VPS13D: variants seen among roughly 807,000 people sequenced by gnomAD.
VPS13D encodes the protein intermembrane lipid transfer protein VPS13D.
VPS13D carries 187 observed loss-of-function variants against 461.9 expected under a neutral mutation model. That is an observed-to-expected ratio of 0.40 (90% CI 0.36 to 0.46). VPS13D has a LOEUF of 0.46. Among genes scored for constraint, VPS13D ranks in the 20% least tolerant of loss-of-function variants. The probability of loss-of-function intolerance (pLI) is 0.60; values close to 1 mark genes in which losing one functional copy is unlikely to be tolerated. For synonymous variants in VPS13D, 1,951 were observed against 1,986.3 expected (o/e 0.98, Z 0.47); for missense variants, 4,711 against 5,364.9 (o/e 0.88, Z 3.81).
chr1:12,452,949 C>T (rs1645281285), intron 65 of VPS13D, among the ~76,000 whole-genome samples: 1 of 152,218 alleles, frequency 6.6e-6, no homozygotes. Context: ...GGAATTCAGA[C>T]AGAAGTCCTA....
At chr1:12,442,405 G>A (rs1215097544) in intron 65 of VPS13D, among the ~76,000 whole-genome samples, 1 of 152,092 alleles carries the variant, frequency 6.6e-6, no homozygotes, top group East Asian at 1.9e-4. Context: ...GGACAGTGTG[G>A]CTGTAAACGA....
At chr1:12,453,117 T>C (rs1165725837) in intron 65 of VPS13D, among the ~76,000 whole-genome samples, 2 of 152,176 alleles carry the variant, frequency 1.3e-5, no homozygotes, top group Non-Finnish European at 2.9e-5. Context: ...CAGGACCCAG[T>C]TGGTGCTGGG....
intron 37 of VPS13D, among the ~76,000 whole-genome samples, chr1:12,332,396 C>T (rs528470661): frequency 1.1e-3 from 168 of 152,236 alleles, no homozygotes; most frequent in Admixed American, 2.6e-3. Context: ...CGGTGACCTG[C>T]GTCAATGTGA....
intron 10 of VPS13D, among the ~76,000 whole-genome samples, chr1:12,258,365 C>T (rs1408161324): frequency 6.6e-6 from 1 of 152,082 alleles, no homozygotes; most frequent in Non-Finnish European, 1.5e-5. Flanking sequence ...CACACCCCTG[C>T]CCCCCAGCTC....
chr1:12,359,470 G>A (rs1383994200), intron 50 of VPS13D, among the ~76,000 whole-genome samples: 1 of 152,110 alleles, frequency 6.6e-6, no homozygotes, highest in South Asian at 2.1e-4. Context: ...GAGAAGTAAG[G>A]CAAGTATGGC....
Position 12,356,011 on chromosome 1 carries a change from C to T in VPS13D, c.9792C>T (p.Leu3264=), listed in dbSNP as rs1309183491. Residue 3264 remains leucine, a synonymous_variant, in exon 48 of 70, where the codon CTC becomes CTT. Transcript: ENST00000620676. ...LYDVNRRQLN[L]TIRIVCRAEG... ...ACGTCAACCGTCGGCAGCTGAACCT[C>T]ACCATCCGGATTGTGTGTCGAGCAG... is the stretch of plus-strand genomic sequence containing the variant. 1.2e-6 allele frequency: 2 copies of T among 1,614,176 alleles called. No individual in the cohort carries two copies. Among genetic ancestry groups the T allele is most frequent in the Non-Finnish European group, 8.5e-7 (1 of 1,180,010 alleles).
rs201242186 is a variant in VPS13D at position 12,276,414 on chromosome 1, G to T, written c.2826G>T (p.Glu942Asp). 1 of 1,614,228 alleles carries T rather than the reference G, an allele frequency of 6.2e-7. No homozygotes were observed. The highest frequency in any genetic ancestry group is 1.7e-5 in the Admixed American group (1 of 60,030). ...TAACCCAGAGCATTGTGTTGTTGGAGCAGCATACCCGCGAGGTTCTGGTGG... is the reference window on the plus strand; with the variant it reads ...TAACCCAGAGCATTGTGTTGTTGGATCAGCATACCCGCGAGGTTCTGGTGG... ...MNLTQSIVLLEQHTREVLVES... is the reference protein window; with the variant it reads ...MNLTQSIVLLDQHTREVLVES... Residue 942 changes from glutamate (E) to aspartate (D), a missense_variant, in exon 19 of 70, where the codon GAG becomes GAT. By Grantham distance (45) the Glu-to-Asp change is conservative. Coordinates refer to ENST00000620676, the MANE Select transcript of VPS13D (RefSeq NM_015378.4). This position sits in a 1 kb window ranked among gnomAD's most constrained non-coding sequence, Gnocchi z 4.5.
chr1:12,454,080 G>C (rs1269066829), intron 65 of VPS13D, among the ~76,000 whole-genome samples: 2 of 152,192 alleles, frequency 1.3e-5, no homozygotes, highest in African/African-American at 2.4e-5. Flanking sequence ...AGAACAGTAA[G>C]AATGCTAACT....
At chr1:12,432,530 C>T (rs1312055751) in intron 65 of VPS13D, among the ~76,000 whole-genome samples, 1 of 152,010 alleles carries the variant, frequency 6.6e-6, no homozygotes, top group East Asian at 1.9e-4. Flanking sequence ...TCCAGCAACC[C>T]TGGAAGAACT....
rs1466712315 is a variant in VPS13D, at chr1:12,507,514, G to A, written c.13035+421G>A. 8 of 459,236 alleles carry A rather than the reference G, an allele frequency of 1.7e-5. No homozygotes were observed. Among genetic ancestry groups the A allele is most frequent in the East Asian group, 1.1e-4 (2 of 18,034 alleles). 28.4% of individuals were successfully genotyped at this position (459,236 alleles called of 1,614,324 possible). On this transcript the variant is annotated intron_variant, in intron 69 of 69. Coordinates refer to ENST00000620676, the MANE Select transcript of VPS13D (RefSeq NM_015378.4). The surrounding 1 kb of genome is among the most constrained non-coding windows in gnomAD (Gnocchi z 5.3). ...TTGTTTCTCCTTAACAGTGGAAACC[G>A]TAACTTTTGTTCTAGTAGCATCTAG...
At chr1:12,244,747 C>G (rs1557660599) in intron 5 of VPS13D, 130 bp downstream of exon 5, 1 of 788,578 alleles carries the variant, frequency 1.3e-6, no homozygotes, top group South Asian at 1.8e-5. Context: ...GCTGGCTGCT[C>G]AGGTCTGCCC....
intron 6 of VPS13D, among the ~76,000 whole-genome samples, chr1:12,250,438 G>T (rs1640697656): frequency 6.6e-6 from 1 of 152,188 alleles, no homozygotes; most frequent in African/African-American, 2.4e-5. Flanking sequence ...GGAATTCTGT[G>T]CCAGGAACCA....
chr1:12,277,867 A>G lies in VPS13D; in HGVS notation c.4279A>G (p.Lys1427Glu), dbSNP rs1218900846. ...SRSDRLQVEI[K>E]DIKLYSLNCT... ...AAGTGACCGTCTGCAGGTGGAAATC[A>G]AGGACATTAAACTGTATTCTTTGAA... Residue 1427 changes from lysine to glutamate, a missense_variant, in exon 19 of 70, where the codon AAG (lysine) becomes GAG (glutamate). Coordinates refer to ENST00000620676, the MANE Select transcript of VPS13D (RefSeq NM_015378.4). The G allele has an allele frequency of 6.2e-7, 1 of 1,614,028 alleles. No individual in the cohort carries two copies. The highest frequency in any genetic ancestry group is 8.5e-7 in the Non-Finnish European group (1 of 1,180,026).
chr1:12,392,163 A>C (rs1472205416), intron 60 of VPS13D, among the ~76,000 whole-genome samples: 2 of 152,102 alleles, frequency 1.3e-5, no homozygotes, highest in African/African-American at 4.8e-5. Context: ...CATCCAACCC[A>C]AAAATGTTAT....
At chr1:12,285,442 C>T (rs1257066368) in intron 21 of VPS13D, among the ~76,000 whole-genome samples, 9 of 151,884 alleles carry the variant, frequency 5.9e-5, no homozygotes, top group Admixed American at 4.6e-4. Context: ...AGGTGCGCGC[C>T]GCCATGCCCA....
chr1:12,312,034 TGTTGTCTGCAGAGTGTC>T, intron 29 of VPS13D, 109 bp downstream of exon 29: 2 of 880,052 alleles, frequency 2.3e-6, no homozygotes, highest in Non-Finnish European at 1.8e-6. Flanking sequence ...ACAGATGGAA[TGTTGTCTGCAGAGTGTC>T]TTTTGGTTGA....
chr1:12,453,704 T>TA (rs1427963386), intron 65 of VPS13D: 1 of 152,240 alleles, frequency 6.6e-6, no homozygotes, highest in Non-Finnish European at 1.5e-5. Context: ...ATACGATTGT[T>TA]ACCTTCTCAA....
chr1:12,490,198 C>T (rs572144387), intron 67 of VPS13D, among the ~76,000 whole-genome samples: 11 of 152,288 alleles, frequency 7.2e-5, no homozygotes, highest in South Asian at 2.1e-4. Flanking sequence ...TAAGTAGGCT[C>T]GTTTTTCTGG....
At chr1:12,430,642 G>A (rs1644979986) in intron 65 of VPS13D, among the ~76,000 whole-genome samples, 1 of 152,192 alleles carries the variant, frequency 6.6e-6, no homozygotes, top group South Asian at 2.1e-4. Context: ...CAAACACTGA[G>A]CCCACTCTTT....
Sources: gnomAD v4.1 joint callset for allele counts (sites outside exome capture counted in the v4.1 genomes callset) on GRCh38, gnomAD v4.1.1 for gene constraint, Gnocchi (gnomAD v3.1) non-coding constraint, MANE v1.5 for transcripts, NCBI Gene and HGNC (gene_info 2026-07-23, HGNC 2026-07-21) for gene names.